The following AIG1 variants were observed in gnomAD, a reference collection of about 807,000 sequenced individuals.
AIG1 encodes the protein androgen-induced gene 1 protein.
Under a neutral mutation model 31.4 loss-of-function variants are expected in AIG1, and 23 were observed. That is an observed-to-expected ratio of 0.73 (90% CI 0.53 to 1.04). The LOEUF (loss-of-function observed/expected upper bound fraction) is 1.04. Among genes scored for constraint, AIG1 ranks in the 50% least tolerant of loss-of-function variants. AIG1 has a pLI of 0.00. For missense variants in AIG1, 274 were observed against 295.0 expected, an observed-to-expected ratio of 0.93 and a Z score of 0.52; for synonymous variants, 100 against 110.5, an observed-to-expected ratio of 0.90 and a Z score of 0.60.
chr6:143,060,976 C>T lies in AIG1; in HGVS notation c.51C>T (p.Tyr17=). 1.2e-6 allele frequency: 2 copies of T among 1,612,962 alleles called. No homozygotes were observed. Residue 17 remains tyrosine, a synonymous_variant, in exon 1 of 6, where the codon TAC becomes TAT. Coordinates refer to ENST00000357847, the MANE Select transcript of AIG1 (RefSeq NM_016108.4). ...TGCGGATGGCAATCCTGCTGTCTTACTGCTCTATCCTGTGTAACTACAAGG... is the reference window on the plus strand; with the variant it reads ...TGCGGATGGCAATCCTGCTGTCTTATTGCTCTATCCTGTGTAACTACAAGG... ...QVLRMAILLS[Y]CSILCNYKAI...
intron 3 of AIG1, among the ~76,000 whole-genome samples, chr6:143,254,830 A>G (rs1303956334): frequency 6.6e-6 from 1 of 152,122 alleles, no homozygotes; most frequent in African/African-American, 2.4e-5. Context: ...CCTGGGCAAC[A>G]TGGCAAAACC....
chr6:143,155,771 G>T (rs79057788), intron 2 of AIG1, among the ~76,000 whole-genome samples: 6,501 of 152,248 alleles, frequency 0.043, 458 homozygotes, highest in African/African-American at 0.15. Context: ...ACATAGTCTG[G>T]TGAAGAGGGT....
chr6:143,173,322 C>T (rs997483753), intron 3 of AIG1, among the ~76,000 whole-genome samples: 5 of 152,226 alleles, frequency 3.3e-5, no homozygotes, highest in African/African-American at 1.2e-4. Context: ...CTTGGCCTCC[C>T]AAAGTGCTGG....
chr6:143,322,409 G>A (rs1776286315), intron 4 of AIG1, among the ~76,000 whole-genome samples: 1 of 152,122 alleles, frequency 6.6e-6, no homozygotes, highest in Non-Finnish European at 1.5e-5. Flanking sequence ...GATTGCTTGG[G>A]CCGTTACAGT....
At chr6:143,335,756 A>G (rs1583910258) in intron 5 of AIG1, among the ~76,000 whole-genome samples, 1 of 151,956 alleles carries the variant, frequency 6.6e-6, no homozygotes, top group Non-Finnish European at 1.5e-5. Flanking sequence ...GGAGTTCAAG[A>G]CCAGTCTGGC....
chr6:143,145,694 G>C (rs981602033), intron 2 of AIG1, among the ~76,000 whole-genome samples: 1 of 152,176 alleles, frequency 6.6e-6, no homozygotes, highest in African/African-American at 2.4e-5. Context: ...ATCCTTAGGG[G>C]CTGGGCATAT....
At chr6:143,193,980 AGAT>A (rs1467709760) in intron 3 of AIG1, among the ~76,000 whole-genome samples, 11 of 152,362 alleles carry the variant, frequency 7.2e-5, no homozygotes, top group Non-Finnish European at 1.3e-4. Context: ...ATTTCAGTAT[AGAT>A]GAGAGATACA....
intron 2 of AIG1, among the ~76,000 whole-genome samples, chr6:143,141,181 G>A (rs1784217721): frequency 6.6e-6 from 1 of 152,174 alleles, no homozygotes; most frequent in African/African-American, 2.4e-5. Context: ...TTTTCCTGAA[G>A]AGACCTATTG....
rs536329705 is a variant in AIG1, at chr6:143,077,635, T to C, written c.141+16569T>C. Reference sequence around the variant, plus strand: ...TATATTTTTTTCCTCATCTTTGGTTTTCAGCAGTCTGCATATGATGTTTCT... The same window carrying C: ...TATATTTTTTTCCTCATCTTTGGTTCTCAGCAGTCTGCATATGATGTTTCT... On this transcript the variant is annotated intron_variant, in intron 1 of 5. Coordinates refer to ENST00000357847, the MANE Select transcript of AIG1 (RefSeq NM_016108.4). 4.6e-5 allele frequency among the ~76,000 whole-genome samples: 7 copies of C among 152,350 alleles called. No individual in the cohort carries two copies. In the East Asian group the frequency reaches 1.3e-3, roughly 29 times the overall value.
rs577098484 is a variant in AIG1 at position 143,244,648 on chromosome 6, TAAAC to T, written c.400-39458_400-39455del. ...TTCAATGGTTTGCTCTGAAGTTTCA[TAAAC>T]AAAACACTGTGAGCATCAAGGTATA... On this transcript the variant is annotated intron_variant, in intron 3 of 5. Transcript: ENST00000357847. Among the ~76,000 whole-genome samples the T allele has an allele frequency of 1.9e-3, 290 of 152,320 alleles. 2 individuals are homozygous for T. The highest frequency in any genetic ancestry group is 6.6e-3 in the African/African-American group (276 of 41,584).
chr6:143,294,017 G>A (rs975249010), intron 4 of AIG1, among the ~76,000 whole-genome samples: 28 of 152,110 alleles, frequency 1.8e-4, no homozygotes, highest in Middle Eastern at 3.4e-3. Context: ...GGACTCCTTC[G>A]ATCTCCCCCT....
At chr6:143,212,381 G>C (rs1452842523) in intron 3 of AIG1, among the ~76,000 whole-genome samples, 1 of 152,116 alleles carries the variant, frequency 6.6e-6, no homozygotes, top group Non-Finnish European at 1.5e-5. Flanking sequence ...CTTTACCCCA[G>C]CCTCCCTGCA....
At chr6:143,300,718 G>A (rs996224109) in intron 4 of AIG1, among the ~76,000 whole-genome samples, 6 of 152,168 alleles carry the variant, frequency 3.9e-5, no homozygotes, top group African/African-American at 9.6e-5. Context: ...GAGTTAATAC[G>A]GATATTGCTT....
chr6:143,249,148 C>A (rs58246932), intron 3 of AIG1, among the ~76,000 whole-genome samples: 2 of 152,136 alleles, frequency 1.3e-5, no homozygotes, highest in African/African-American at 4.8e-5. Flanking sequence ...AGTGTTTTCA[C>A]CTGAGATGTT....
chr6:143,137,090 A>G, intron 2 of AIG1, 100 bp downstream of exon 2: 1 of 1,248,290 alleles, frequency 8.0e-7, no homozygotes, highest in Non-Finnish European at 1.0e-6. Context: ...AGGTTTCTGT[A>G]TTATTAGTTT....
intron 3 of AIG1, among the ~76,000 whole-genome samples, chr6:143,282,218 A>G (rs1397776421): frequency 6.6e-6 from 1 of 152,230 alleles, no homozygotes. Context: ...TAAGAAATTT[A>G]TTAATATCAG....
intron 2 of AIG1, among the ~76,000 whole-genome samples, chr6:143,152,270 A>G (rs1360082854): frequency 1.3e-5 from 2 of 152,220 alleles, no homozygotes; most frequent in Non-Finnish European, 2.9e-5. Context: ...TTTTATCCTC[A>G]GGTAACTGAG....
At chr6:143,252,702 C>T (rs895501394) in intron 3 of AIG1, among the ~76,000 whole-genome samples, 3 of 152,168 alleles carry the variant, frequency 2.0e-5, no homozygotes, top group Non-Finnish European at 4.4e-5. Context: ...AACAAATCAC[C>T]ACAAATTTAG....
At chr6:143,069,250 C>G (rs1267254444) in intron 1 of AIG1, among the ~76,000 whole-genome samples, 2 of 152,162 alleles carry the variant, frequency 1.3e-5, no homozygotes, top group African/African-American at 4.8e-5. Context: ...CTCCTGGGCT[C>G]AAGCGATCCA....
Sources: gnomAD v4.1 joint callset for allele counts (sites outside exome capture counted in the v4.1 genomes callset) on GRCh38, gnomAD v4.1.1 for gene constraint, MANE v1.5 for transcripts, NCBI Gene and HGNC (gene_info 2026-07-23, HGNC 2026-07-21) for gene names.